POT1: variants seen among roughly 807,000 people sequenced by gnomAD.
POT1 encodes the protein protection of telomeres 1.
A neutral mutation model predicts 78.5 loss-of-function variants in POT1; 47 were observed. That is an observed-to-expected ratio of 0.60 (90% CI 0.47 to 0.76). The LOEUF (loss-of-function observed/expected upper bound fraction) is 0.76, where lower values mean the gene tolerates loss of function less well. Ranked by LOEUF, POT1 falls within the 30% of genes least tolerant of loss-of-function variation. POT1 has a pLI of 0.00. For missense variants in POT1, 646 were observed against 749.9 expected, an observed-to-expected ratio of 0.86 and a Z score of 1.62; for synonymous variants, 259 against 260.7, an observed-to-expected ratio of 0.99 and a Z score of 0.06.
chr7:124,830,250 T>C (rs900584649), intron 15 of POT1, among the ~76,000 whole-genome samples: 4 of 152,188 alleles, frequency 2.6e-5, no homozygotes, highest in Admixed American at 6.5e-5. Flanking sequence ...TACCAACATA[T>C]TTTAACTATG....
In POT1 at chr7:124,829,305, G is replaced by T; in HGVS notation, c.1543C>A (p.Leu515Ile). 5.6e-6 allele frequency: 9 copies of T among 1,602,964 alleles called. No homozygotes were observed. Among genetic ancestry groups the T allele is most frequent in the Non-Finnish European group, 7.7e-6 (9 of 1,170,078 alleles). The stretch of plus-strand genomic sequence containing the variant: ...GATGTTTTATCAACCAGGGAATTTA[G>T]ATTTTGTATGGATCTCAAACTAGAA... ...QCSSLRSIQN[L>I]NSLVDKTSWI... Residue 515 changes from leucine (L) to isoleucine (I), a missense_variant, in exon 16 of 19, where the codon CTA becomes ATA. By Grantham distance (5) the Leu-to-Ile change is conservative. Coordinates refer to ENST00000357628, the MANE Select transcript of POT1 (RefSeq NM_015450.3).
rs775453323 is a variant in POT1 at position 124,863,361 on chromosome 7, A to G, written c.535T>C (p.Phe179Leu). ...TAAAAAATATGTACCTTTAGAAGAAATGATGCTCCGTCCACTTCTGCTTTG... is the reference window on the plus strand; with the variant it reads ...TAAAAAATATGTACCTTTAGAAGAAGTGATGCTCCGTCCACTTCTGCTTTG... ...LGKAEVDGAS[F>L]LLKVWDGTRT... Residue 179 changes from phenylalanine to leucine, a missense_variant, in exon 8 of 19, where the codon TTT becomes CTT. Phe to Leu is a conservative substitution (Grantham distance 22). Around this residue, in one of 2 missense-constraint regions of POT1, gnomAD observed 252 missense variants for 341.4 expected, o/e 0.74. Coordinates refer to ENST00000357628, the MANE Select transcript of POT1 (RefSeq NM_015450.3). The G allele has an allele frequency of 1.2e-6, 2 of 1,611,536 alleles. No homozygotes were observed. The highest frequency in any genetic ancestry group is 2.2e-5 in the East Asian group (1 of 44,872).
chr7:124,862,367 G>GT (rs1477199809), intron 8 of POT1, among the ~76,000 whole-genome samples: 2 of 152,178 alleles, frequency 1.3e-5, no homozygotes, highest in African/African-American at 4.8e-5. Context: ...ATGCTCATTT[G>GT]TTAAGAATGT....
chr7:124,828,803 G>T, intron 16 of POT1: 1 of 449,524 alleles, frequency 2.2e-6, no homozygotes. Flanking sequence ...ACATGAGATG[G>T]CTGTATCAAA....
At chr7:124,850,672 A>G (rs1360543875) in intron 11 of POT1, among the ~76,000 whole-genome samples, 1 of 151,936 alleles carries the variant, frequency 6.6e-6, no homozygotes, top group Admixed American at 6.6e-5. Context: ...CGGAGCTTGC[A>G]GTGAGCAGAG....
chr7:124,910,491 G>A (rs1796865967), intron 3 of POT1, among the ~76,000 whole-genome samples: 1 of 151,754 alleles, frequency 6.6e-6, no homozygotes, highest in Non-Finnish European at 1.5e-5. Flanking sequence ...TTTGCAATCT[G>A]TAAGATTTCA....
At chr7:124,890,423 T>TA (rs2116624484) in intron 6 of POT1, among the ~76,000 whole-genome samples, 2 of 152,090 alleles carry the variant, frequency 1.3e-5, no homozygotes, top group South Asian at 4.1e-4. Context: ...TCCATAAACT[T>TA]AGTTGATAAT....
intron 6 of POT1, among the ~76,000 whole-genome samples, chr7:124,875,711 T>C (rs906192499): frequency 1.4e-4 from 22 of 152,302 alleles, no homozygotes; most frequent in African/African-American, 5.3e-4. Flanking sequence ...AATTGATGCA[T>C]GAAAATATGT....
At chr7:124,845,742 C>T (rs954653559) in intron 12 of POT1, among the ~76,000 whole-genome samples, 15 of 151,790 alleles carry the variant, frequency 9.9e-5, no homozygotes, top group Non-Finnish European at 1.9e-4. Flanking sequence ...TTCATTATCC[C>T]TTTTATATTT....
At chr7:124,902,829 A>G (rs1278995263) in intron 3 of POT1, among the ~76,000 whole-genome samples, 1 of 152,184 alleles carries the variant, frequency 6.6e-6, no homozygotes, top group Non-Finnish European at 1.5e-5. Context: ...GGATGGAGGA[A>G]GATCTACCAA....
chr7:124,900,381 C>G (rs1796589135), intron 3 of POT1, among the ~76,000 whole-genome samples: 1 of 151,994 alleles, frequency 6.6e-6, no homozygotes, highest in African/African-American at 2.4e-5. Flanking sequence ...ATCACAGATT[C>G]TCTCTCAGAA....
intron 2 of POT1, among the ~76,000 whole-genome samples, chr7:124,922,554 G>A (rs1024379621): frequency 2.0e-5 from 3 of 151,942 alleles, no homozygotes; most frequent in Non-Finnish European, 4.4e-5. Flanking sequence ...AATAACAACT[G>A]TAACATGGGG....
At chr7:124,873,447 T>A (rs1224528396) in intron 6 of POT1, among the ~76,000 whole-genome samples, 1 of 152,212 alleles carries the variant, frequency 6.6e-6, no homozygotes, top group Non-Finnish European at 1.5e-5. Context: ...CTGGAATAAA[T>A]CCTACTTGAT....
intron 15 of POT1, among the ~76,000 whole-genome samples, 173 bp downstream of exon 15, chr7:124,835,106 T>C (rs1401847496): frequency 6.6e-6 from 1 of 151,918 alleles, no homozygotes; most frequent in African/African-American, 2.4e-5. Context: ...GGTGGGAGGC[T>C]AGGGGAAGGA....
Position 124,870,917 on chromosome 7 carries a change from C to T in POT1, c.249G>A (p.Arg83=), listed in dbSNP as rs1795851500. The T allele has an allele frequency of 6.2e-7, 1 of 1,605,024 alleles. No individual in the cohort carries two copies. Among genetic ancestry groups the T allele is most frequent in the Non-Finnish European group, 8.5e-7 (1 of 1,175,396 alleles). Residue 83 remains arginine (R), a synonymous_variant, in exon 7 of 19, where the codon AGG becomes AGA. Transcript: ENST00000357628. The part of the protein sequence containing the change: ...YKNGDIVRFH[R]LKIQVYKKET... Reference sequence around the variant, plus strand: ...TAGACAATATGAATTATACCTTCAGCCTGTGAAAGCGAACAATATCTCCAT... The same window carrying T: ...TAGACAATATGAATTATACCTTCAGTCTGTGAAAGCGAACAATATCTCCAT...
At chr7:124,856,004 T>A (rs1451565371) in intron 9 of POT1, among the ~76,000 whole-genome samples, 1 of 152,162 alleles carries the variant, frequency 6.6e-6, no homozygotes, top group African/African-American at 2.4e-5. Flanking sequence ...GGGAATGATA[T>A]AACAAAAAGT....
At chr7:124,894,654 C>T (rs1396144982) in intron 5 of POT1, among the ~76,000 whole-genome samples, 1 of 151,542 alleles carries the variant, frequency 6.6e-6, no homozygotes, top group Non-Finnish European at 1.5e-5. Flanking sequence ...GCTCACACTT[C>T]AACAAGGTAA....
rs1258167523 is a variant in POT1 at position 124,853,056 on chromosome 7, T to G, written c.785A>C (p.Glu262Ala). ...NSENQTMLSL[E>A]FHLHGGTSYG... ...ACTGGTACCTCCATGAAGATGAAAC[T>G]CTAAACTTAACATTGTCTGATTCTC... Residue 262 changes from glutamate (E) to alanine (A), a missense_variant, in exon 10 of 19, where the codon GAG becomes GCG. This residue lies in a region of POT1 where 252 missense variants were observed against 341.4 expected (regional missense o/e 0.74). Coordinates refer to ENST00000357628, the MANE Select transcript of POT1 (RefSeq NM_015450.3). 6.2e-7 allele frequency: 1 copy of G among 1,610,264 alleles called. No individual in the cohort carries two copies. The highest frequency in any genetic ancestry group is 1.7e-5 in the Admixed American group (1 of 59,994).
intron 7 of POT1, 91 bp downstream of exon 7, chr7:124,870,820 A>C (rs908296202): frequency 2.7e-6 from 3 of 1,097,620 alleles, no homozygotes; most frequent in Non-Finnish European, 3.6e-6. Context: ...TGTTCTAACA[A>C]AGCAACTATA....
Sources: allele counts gnomAD v4.1 joint callset (sites outside exome capture counted in the v4.1 genomes callset), GRCh38; gene constraint gnomAD v4.1.1; regional missense constraint gnomAD v4.1.1; transcripts MANE v1.5; gene names NCBI Gene and HGNC (gene_info 2026-07-23, HGNC 2026-07-21).